Variants in PLPPR1 observed in about 807,000 individuals in gnomAD.
PLPPR1 encodes the protein phospholipid phosphatase related 1.
A neutral mutation model predicts 33.1 loss-of-function variants in PLPPR1; 10 were observed. The ratio of observed to expected loss-of-function variants is 0.30; its 90% CI spans 0.19 to 0.51. The LOEUF (loss-of-function observed/expected upper bound fraction) is 0.51, where lower values mean the gene tolerates loss of function less well. Ranked by LOEUF, PLPPR1 falls within the 20% of genes least tolerant of loss-of-function variation. The probability of loss-of-function intolerance (pLI) is 0.97; values close to 1 mark genes in which losing one functional copy is unlikely to be tolerated. For missense variants in PLPPR1, 304 were observed against 408.1 expected (o/e 0.74, Z 2.20); for synonymous variants, 151 against 151.0 (o/e 1.00, Z 0.00).
At chr9:101,171,517 C>T (rs182742306) in intron 1 of PLPPR1, among the ~76,000 whole-genome samples, 5 of 152,190 alleles carry the variant, frequency 3.3e-5, no homozygotes, top group East Asian at 1.9e-4. Context: ...GAAACTGGAG[C>T]GAAGAGACTG....
intron 1 of PLPPR1, among the ~76,000 whole-genome samples, chr9:101,163,924 C>A (rs1825809809): frequency 6.6e-6 from 1 of 152,102 alleles, no homozygotes; most frequent in Admixed American, 6.6e-5. Flanking sequence ...TCCTAAATAT[C>A]GTCATTGAAT....
At chr9:101,085,154 C>T (rs974520884) in intron 1 of PLPPR1, among the ~76,000 whole-genome samples, 1 of 152,112 alleles carries the variant, frequency 6.6e-6, no homozygotes, top group Non-Finnish European at 1.5e-5. Context: ...GGGAATGGAG[C>T]AGGTTCACAG....
At chr9:101,172,659 C>T (rs1276132653) in intron 1 of PLPPR1, among the ~76,000 whole-genome samples, 1 of 152,088 alleles carries the variant, frequency 6.6e-6, no homozygotes, top group African/African-American at 2.4e-5. Context: ...CTCTGCAAAC[C>T]CCCAAGTGCT....
chr9:101,310,813 C>T (rs1028074356), intron 5 of PLPPR1, among the ~76,000 whole-genome samples: 1 of 152,182 alleles, frequency 6.6e-6, no homozygotes, highest in Admixed American at 6.5e-5. Flanking sequence ...CAACCACCAA[C>T]TATGTGACAT....
chr9:101,256,967 G>A (rs1048565217), intron 2 of PLPPR1, among the ~76,000 whole-genome samples: 1 of 151,886 alleles, frequency 6.6e-6, no homozygotes, highest in Non-Finnish European at 1.5e-5. Context: ...CTTCTTTCCA[G>A]TTCAGAAACT....
chr9:101,155,454 T>A (rs1831668042), intron 1 of PLPPR1, among the ~76,000 whole-genome samples: 1 of 151,772 alleles, frequency 6.6e-6, no homozygotes, highest in South Asian at 2.1e-4. Context: ...TTAAGGAGAG[T>A]GAACTCATCC....
chr9:101,153,008 A>G (rs547177476), intron 1 of PLPPR1, among the ~76,000 whole-genome samples: 1 of 152,176 alleles, frequency 6.6e-6, no homozygotes, highest in Non-Finnish European at 1.5e-5. Flanking sequence ...CATTTTCACG[A>G]TATTGATTCT....
At chr9:101,176,245 G>A (rs1826017951) in intron 1 of PLPPR1, among the ~76,000 whole-genome samples, 1 of 152,178 alleles carries the variant, frequency 6.6e-6, no homozygotes, top group Admixed American at 6.6e-5. Context: ...TGAATTAAGT[G>A]CTTAGATATC....
At chr9:101,275,195 T>G (rs1034815644) in intron 3 of PLPPR1, among the ~76,000 whole-genome samples, 1 of 152,240 alleles carries the variant, frequency 6.6e-6, no homozygotes, top group Non-Finnish European at 1.5e-5. Context: ...TAGCTCAATG[T>G]GGACTTGTCT....
intron 2 of PLPPR1, among the ~76,000 whole-genome samples, chr9:101,263,097 T>C (rs1287768098): frequency 6.6e-6 from 1 of 152,148 alleles, no homozygotes; most frequent in Non-Finnish European, 1.5e-5. Context: ...GGCACATGTA[T>C]ACCTATGTAA....
chr9:101,139,487 A>G (rs956547034), intron 1 of PLPPR1, among the ~76,000 whole-genome samples: 13 of 152,186 alleles, frequency 8.5e-5, no homozygotes, highest in African/African-American at 2.4e-4. Context: ...TTAAAAAGCT[A>G]TCATGATTTT....
At chr9:101,301,242 A>G (rs549056143) in intron 4 of PLPPR1, among the ~76,000 whole-genome samples, 11 of 152,188 alleles carry the variant, frequency 7.2e-5, no homozygotes, top group Non-Finnish European at 1.6e-4. Flanking sequence ...CAAAGGATGA[A>G]TAACTGAGTC....
At chr9:101,319,634 G>GT (rs1829117249) in intron 7 of PLPPR1, among the ~76,000 whole-genome samples, 1 of 152,026 alleles carries the variant, frequency 6.6e-6, no homozygotes. Flanking sequence ...AATATTTCTG[G>GT]TTTATTTATA....
intron 1 of PLPPR1, among the ~76,000 whole-genome samples, chr9:101,105,971 C>A (rs11560596): frequency 0.31 from 45,140 of 146,160 alleles, 8,250 homozygotes; most frequent in East Asian, 0.69. Context: ...AGGATTGCAA[C>A]CCCTGCCTTT....
chr9:101,225,435 G>A (rs1049430426), intron 2 of PLPPR1, among the ~76,000 whole-genome samples: 1 of 152,130 alleles, frequency 6.6e-6, no homozygotes, highest in Non-Finnish European at 1.5e-5. Context: ...GTGCAGGGCT[G>A]ACTGGCTCAT....
intron 1 of PLPPR1, among the ~76,000 whole-genome samples, chr9:101,176,659 T>C (rs966068061): frequency 1.3e-5 from 2 of 151,864 alleles, no homozygotes; most frequent in Non-Finnish European, 2.9e-5. Flanking sequence ...CCATGTATAA[T>C]AGGAGGCCAA....
chr9:101,307,277 G>T (rs1588120591), intron 4 of PLPPR1, among the ~76,000 whole-genome samples: 1 of 152,162 alleles, frequency 6.6e-6, no homozygotes, highest in Non-Finnish European at 1.5e-5. Flanking sequence ...CTCTGCCAAA[G>T]AAAGAATAAA....
intron 2 of PLPPR1, among the ~76,000 whole-genome samples, chr9:101,245,027 G>A (rs1827560975): frequency 1.3e-5 from 2 of 151,976 alleles, no homozygotes; most frequent in African/African-American, 4.8e-5. Context: ...ACTACACCAA[G>A]AATGGATCCT....
At chr9:101,226,189 C>G (rs1827064337) in intron 2 of PLPPR1, among the ~76,000 whole-genome samples, 1 of 152,072 alleles carries the variant, frequency 6.6e-6, no homozygotes, top group Non-Finnish European at 1.5e-5. Flanking sequence ...CCTGGGAATC[C>G]CTTTGCTTAT....
Sources: allele counts gnomAD v4.1 joint callset (sites outside exome capture counted in the v4.1 genomes callset), GRCh38; gene constraint gnomAD v4.1.1; transcripts MANE v1.5; gene names NCBI Gene and HGNC (gene_info 2026-07-23, HGNC 2026-07-21).